Variants in LDLRAD4 observed in about 807,000 individuals in gnomAD.
LDLRAD4 encodes low-density lipoprotein receptor class A domain-containing protein 4.
A neutral mutation model predicts 17.0 loss-of-function variants in LDLRAD4; 5 were observed. The ratio of observed to expected loss-of-function variants is 0.29; its 90% CI spans 0.15 to 0.62. The LOEUF is 0.62. Ranked by LOEUF, LDLRAD4 falls within the 20% of genes least tolerant of loss-of-function variation. The pLI is 0.84. For missense variants in LDLRAD4, 340 were observed against 424.7 expected (o/e 0.80, Z 1.75); for synonymous variants, 168 against 171.8 (o/e 0.98, Z 0.17).
chr18:13,462,124 C>T (rs2092454476), intron 3 of LDLRAD4: 1 of 152,198 alleles, frequency 6.6e-6, no homozygotes, highest in Admixed American at 6.5e-5. Context: ...AAGCAGTGGG[C>T]TGGCTTCAGA....
chr18:13,432,786 G>T (rs185158333), intron 2 of LDLRAD4, among the ~76,000 whole-genome samples: 6 of 152,230 alleles, frequency 3.9e-5, no homozygotes, highest in South Asian at 4.2e-4. Flanking sequence ...GCGTGATCTC[G>T]GCTCACTGCA....
chr18:13,311,628 A>G (rs1475004845), intron 1 of LDLRAD4, among the ~76,000 whole-genome samples: 1 of 152,212 alleles, frequency 6.6e-6, no homozygotes, highest in African/African-American at 2.4e-5. Context: ...GCATTGTGAC[A>G]GCTGGCGATG....
chr18:13,224,834 T>C (rs1045387014), intron 1 of LDLRAD4, among the ~76,000 whole-genome samples: 5 of 151,520 alleles, frequency 3.3e-5, no homozygotes, highest in African/African-American at 4.8e-5. Context: ...GTCTCTCTTT[T>C]TTTTTTTTTT....
chr18:13,644,615 G>A (rs955725931), intron 5 of LDLRAD4, among the ~76,000 whole-genome samples: 5 of 151,648 alleles, frequency 3.3e-5, no homozygotes, highest in African/African-American at 1.2e-4. Context: ...ATAAAAACTC[G>A]GAGCCCCTCC....
At chr18:13,485,492 T>A (rs2093200992) in intron 3 of LDLRAD4, among the ~76,000 whole-genome samples, 1 of 152,184 alleles carries the variant, frequency 6.6e-6, no homozygotes, top group South Asian at 2.1e-4. Flanking sequence ...GGGCATCAGT[T>A]CCATGGTACG....
At chr18:13,538,184 T>C (rs890913642) in intron 3 of LDLRAD4, among the ~76,000 whole-genome samples, 2 of 152,206 alleles carry the variant, frequency 1.3e-5, no homozygotes, top group African/African-American at 4.8e-5. Flanking sequence ...TGAATTGTGT[T>C]CTTATCTTTA....
intron 2 of LDLRAD4, among the ~76,000 whole-genome samples, chr18:13,408,051 A>G (rs1170640775): frequency 6.6e-6 from 1 of 152,178 alleles, no homozygotes; most frequent in Non-Finnish European, 1.5e-5. Flanking sequence ...AGTGTGTTAC[A>G]ATTACTGTCA....
chr18:13,334,808 A>G (rs2082028470), intron 1 of LDLRAD4, among the ~76,000 whole-genome samples: 1 of 152,176 alleles, frequency 6.6e-6, no homozygotes, highest in Non-Finnish European at 1.5e-5. Flanking sequence ...GTTTCTCATC[A>G]TTAAGTATGA....
chr18:13,531,412 C>G (rs185020146), intron 3 of LDLRAD4, among the ~76,000 whole-genome samples: 1 of 147,716 alleles, frequency 6.8e-6, no homozygotes, highest in African/African-American at 2.5e-5. Context: ...GAGTTTGAGA[C>G]CAGCCTGGGC....
intron 1 of LDLRAD4, among the ~76,000 whole-genome samples, chr18:13,283,491 T>G (rs1186732067): frequency 2.6e-5 from 4 of 152,232 alleles, no homozygotes; most frequent in Non-Finnish European, 5.9e-5. Context: ...GCCAGTCTCT[T>G]TGCTAAAACA....
At chr18:13,574,011 T>C (rs1385396757) in intron 3 of LDLRAD4, among the ~76,000 whole-genome samples, 1 of 152,156 alleles carries the variant, frequency 6.6e-6, no homozygotes, top group Non-Finnish European at 1.5e-5. Context: ...GCTTCATGCA[T>C]AGCGATGGAT....
intron 1 of LDLRAD4, among the ~76,000 whole-genome samples, chr18:13,368,618 C>T (rs1199483895): frequency 6.6e-6 from 1 of 152,216 alleles, no homozygotes; most frequent in Non-Finnish European, 1.5e-5. Context: ...CTTCCAGGGA[C>T]TCACAGAGTG....
intron 2 of LDLRAD4, chr18:13,423,570 C>G (rs1279922044): frequency 6.6e-6 from 1 of 152,532 alleles, no homozygotes; most frequent in Non-Finnish European, 1.5e-5. Flanking sequence ...CTTCCAGTAC[C>G]GTACCTGGGA....
chr18:13,374,407 G>A (rs947115983), intron 1 of LDLRAD4, among the ~76,000 whole-genome samples: 5 of 152,224 alleles, frequency 3.3e-5, no homozygotes, highest in Admixed American at 6.5e-5. Flanking sequence ...CAAAGAACCT[G>A]GAGTCTAGAA....
At chr18:13,446,167 C>G (rs1327992483) in intron 3 of LDLRAD4, among the ~76,000 whole-genome samples, 1 of 152,154 alleles carries the variant, frequency 6.6e-6, no homozygotes. Flanking sequence ...TCATTCATCT[C>G]TCAAAAGCAC....
chr18:13,309,923 G>C (rs1055192043), intron 1 of LDLRAD4, among the ~76,000 whole-genome samples: 16 of 152,306 alleles, frequency 1.1e-4, no homozygotes, highest in African/African-American at 3.6e-4. Context: ...ACTTCAAACT[G>C]TCAATGGAAC....
chr18:13,405,602 ATTTTTT>A (rs540287028), intron 2 of LDLRAD4, among the ~76,000 whole-genome samples: 15 of 135,084 alleles, frequency 1.1e-4, no homozygotes, highest in African/African-American at 4.1e-4. Flanking sequence ...GGCTAATTAA[ATTTTTT>A]TTTTTTTTTT....
At chr18:13,402,295 AC>A (rs1262010395) in intron 2 of LDLRAD4, among the ~76,000 whole-genome samples, 1 of 151,962 alleles carries the variant, frequency 6.6e-6, no homozygotes, top group African/African-American at 2.4e-5. Flanking sequence ...TGGTTATAGG[AC>A]CCTGCTACCC....
chr18:13,409,732 G>A (rs1035586822), intron 2 of LDLRAD4, among the ~76,000 whole-genome samples: 1 of 152,182 alleles, frequency 6.6e-6, no homozygotes, highest in Non-Finnish European at 1.5e-5. Context: ...AGTACATGTA[G>A]AAGAATTGAG....
Sources: gnomAD v4.1 joint callset for allele counts (sites outside exome capture counted in the v4.1 genomes callset) on GRCh38, gnomAD v4.1.1 for gene constraint, MANE v1.5 for transcripts, NCBI Gene and HGNC (gene_info 2026-07-23, HGNC 2026-07-21) for gene names.